The following ATL2 variants were observed in gnomAD, a reference collection of about 807,000 sequenced individuals.
ATL2 encodes the protein atlastin GTPase 2.
A neutral mutation model predicts 73.9 loss-of-function variants in ATL2; 31 were observed. That is an observed-to-expected ratio of 0.42 (90% CI 0.32 to 0.57). The LOEUF is 0.57. Ranked by LOEUF, ATL2 falls within the 20% of genes least tolerant of loss-of-function variation. The pLI, the probability that ATL2 is intolerant of heterozygous loss-of-function variation, is 0.14. For synonymous variants in ATL2, 291 were observed against 237.5 expected, an observed-to-expected ratio of 1.23 and a Z score of -2.07; for missense variants, 738 against 702.6, an observed-to-expected ratio of 1.05 and a Z score of -0.57.
chr2:38,346,363 A>G (rs1332831268), intron 1 of ATL2, among the ~76,000 whole-genome samples: 1 of 152,116 alleles, frequency 6.6e-6, no homozygotes, highest in African/African-American at 2.4e-5. Context: ...AAAGTTGACC[A>G]GGTTACCCTC....
intron 1 of ATL2, among the ~76,000 whole-genome samples, chr2:38,373,376 C>G (rs778207402): frequency 6.6e-6 from 1 of 152,178 alleles, no homozygotes; most frequent in Non-Finnish European, 1.5e-5. Context: ...TGTTTGGGGA[C>G]CAATCATAAA....
At chr2:38,345,045 TAGCTTC>T (rs1669942597) in intron 1 of ATL2, among the ~76,000 whole-genome samples, 1 of 152,156 alleles carries the variant, frequency 6.6e-6, no homozygotes, top group South Asian at 2.1e-4. Flanking sequence ...AAAAAACACC[TAGCTTC>T]AGAGGACACA....
chr2:38,334,907 A>AAT (rs573859322), intron 2 of ATL2, among the ~76,000 whole-genome samples: 2 of 139,030 alleles, frequency 1.4e-5, no homozygotes, highest in East Asian at 4.0e-4. Flanking sequence ...TATTATTTAT[A>AAT]ATATATAAAT....
At chr2:38,361,835 G>A (rs375478651) in intron 1 of ATL2, among the ~76,000 whole-genome samples, 4 of 152,058 alleles carry the variant, frequency 2.6e-5, no homozygotes, top group Admixed American at 2.6e-4. Context: ...TTAGCTATTA[G>A]TCCCATTTCA....
intron 2 of ATL2, among the ~76,000 whole-genome samples, chr2:38,333,649 T>C (rs1324239254): frequency 1.3e-5 from 2 of 152,154 alleles, no homozygotes; most frequent in African/African-American, 4.8e-5. Flanking sequence ...AAAATGGAAA[T>C]ATGTGATGAT....
upstream of ATL2, chr2:38,377,416 A>G (rs1672059529): frequency 1.8e-6 from 1 of 561,350 alleles, no homozygotes; most frequent in Admixed American, 3.8e-5. Flanking sequence ...CTCCGCCTGT[A>G]TCTCCTCGCC....
chr2:38,377,170 T>G lies in ATL2; in HGVS notation c.91A>C (p.Asn31His), dbSNP rs1573616848. 2.5e-6 allele frequency: 4 copies of G among 1,610,860 alleles called. No individual in the cohort carries two copies. The change falls in exon 1 of 13, where the codon AAC (asparagine) becomes CAC (histidine). Residue 31 changes from asparagine (N) to histidine (H), a missense_variant. Coordinates refer to ENST00000378954, the MANE Select transcript of ATL2 (RefSeq NM_001135673.4). ...RRTSDPSAAV[N>H]HVSSTTSLGE... Reference sequence around the variant, plus strand: ...AGGGAGGTCGTGGACGAGACGTGGTTAACCGCGGCGCTTGGGTCGCTGGTC... The same window carrying G: ...AGGGAGGTCGTGGACGAGACGTGGTGAACCGCGGCGCTTGGGTCGCTGGTC...
intron 9 of ATL2, among the ~76,000 whole-genome samples, chr2:38,301,574 G>A (rs558170799): frequency 7.2e-5 from 11 of 152,292 alleles, no homozygotes; most frequent in African/African-American, 2.4e-4. Context: ...ATGTGCTTAG[G>A]GAAGTCGAAA....
At chr2:38,361,776 C>A (rs748627340) in intron 1 of ATL2, among the ~76,000 whole-genome samples, 1 of 152,190 alleles carries the variant, frequency 6.6e-6, no homozygotes, top group Non-Finnish European at 1.5e-5. Flanking sequence ...AGAAAACTTA[C>A]CTTTACTGAA....
chr2:38,297,316 C>CAATATTTCATG (rs1385547077), intron 12 of ATL2, among the ~76,000 whole-genome samples: 1 of 152,174 alleles, frequency 6.6e-6, no homozygotes, highest in Admixed American at 6.5e-5. Flanking sequence ...ATTTCATGAG[C>CAATATTTCATG]CCAAAAATGG....
intron 2 of ATL2, among the ~76,000 whole-genome samples, chr2:38,320,330 C>T (rs965803030): frequency 9.2e-5 from 14 of 152,040 alleles, no homozygotes; most frequent in African/African-American, 3.4e-4. Flanking sequence ...CTATTAGATA[C>T]TCAAGTATCT....
chr2:38,358,906 T>C (rs1350023260), intron 1 of ATL2, among the ~76,000 whole-genome samples: 8 of 151,850 alleles, frequency 5.3e-5, no homozygotes, highest in Admixed American at 5.3e-4. Context: ...CTTCGATAAA[T>C]TTTTTTTGAA....
At chr2:38,334,714 C>G (rs527553749) in intron 2 of ATL2, among the ~76,000 whole-genome samples, 1 of 150,166 alleles carries the variant, frequency 6.7e-6, no homozygotes, top group African/African-American at 2.4e-5. Flanking sequence ...AACAAACAAA[C>G]AAAAAAATCT....
At chr2:38,366,728 G>A (rs1183279228) in intron 1 of ATL2, among the ~76,000 whole-genome samples, 1 of 152,150 alleles carries the variant, frequency 6.6e-6, no homozygotes, top group Non-Finnish European at 1.5e-5. Context: ...TGAAAGCTTA[G>A]AACAAGCATC....
intron 7 of ATL2, 26 bp downstream of exon 7, chr2:38,313,125 C>A (rs1667847871): frequency 6.5e-7 from 1 of 1,541,752 alleles, no homozygotes; most frequent in Non-Finnish European, 8.9e-7. Context: ...TGCTTATGTT[C>A]TCCTCTTTAA....
intron 1 of ATL2, among the ~76,000 whole-genome samples, chr2:38,369,489 T>C (rs1342410354): frequency 6.6e-6 from 1 of 151,372 alleles, no homozygotes; most frequent in Non-Finnish European, 1.5e-5. Context: ...GGTTTCACTA[T>C]GTTGGTCAGG....
intron 9 of ATL2, among the ~76,000 whole-genome samples, chr2:38,306,260 C>CCAA (rs1056862542): frequency 3.3e-5 from 5 of 152,122 alleles, no homozygotes; most frequent in African/African-American, 1.2e-4. Flanking sequence ...AAAAAGTCTC[C>CCAA]CAACAAAGAA....
chr2:38,309,527 C>G, intron 8 of ATL2, 21 bp from the exon 9 acceptor site: 5 of 1,603,276 alleles, frequency 3.1e-6, no homozygotes, highest in Non-Finnish European at 4.2e-6. Context: ...AAAAATTGAG[C>G]AACATATTAG....
intron 1 of ATL2, among the ~76,000 whole-genome samples, chr2:38,371,263 T>C (rs905743339): frequency 6.7e-6 from 1 of 150,370 alleles, no homozygotes; most frequent in Non-Finnish European, 1.5e-5. Flanking sequence ...ATCCCAACAC[T>C]TGGGAGGCAG....
Sources: gnomAD v4.1 joint callset for allele counts (sites outside exome capture counted in the v4.1 genomes callset) on GRCh38, gnomAD v4.1.1 for gene constraint, MANE v1.5 for transcripts, NCBI Gene and HGNC (gene_info 2026-07-23, HGNC 2026-07-21) for gene names.